Variants in HFM1 observed in about 807,000 individuals in gnomAD.
HFM1 encodes the protein helicase for meiosis 1.
Under a neutral mutation model 192.1 loss-of-function variants are expected in HFM1, and 169 were observed. The observed-to-expected ratio is 0.88, with a 90% confidence interval of 0.78 to 1.00. The LOEUF (loss-of-function observed/expected upper bound fraction) is 1.00, where lower values mean the gene tolerates loss of function less well. HFM1 is among the 50% of genes least tolerant of loss of function. HFM1 has a pLI of 0.00. For missense variants in HFM1, 1,661 were observed against 1,668.0 expected, an observed-to-expected ratio of 1.00 and a Z score of 0.07; for synonymous variants, 525 against 537.8, an observed-to-expected ratio of 0.98 and a Z score of 0.33.
At chr1:91,328,763 A>C (rs1327334034) in intron 20 of HFM1, 24 of 1,610,776 alleles carry the variant, frequency 1.5e-5, no homozygotes, top group Non-Finnish European at 2.0e-5. Context: ...AAAATTCACT[A>C]AGTGGCTGGT....
intron 30 of HFM1, among the ~76,000 whole-genome samples, chr1:91,284,333 C>T (rs1443565403): frequency 2.0e-5 from 3 of 151,886 alleles, no homozygotes; most frequent in Non-Finnish European, 4.4e-5. Context: ...AACCTCCGCC[C>T]AAGGCTCAAG....
intron 36 of HFM1, among the ~76,000 whole-genome samples, chr1:91,263,445 A>G (rs1665360592): frequency 6.6e-6 from 1 of 152,170 alleles, no homozygotes; most frequent in Admixed American, 6.5e-5. Flanking sequence ...TAAAAAGTGT[A>G]TAAAAGAAAA....
chr1:91,289,727 G>A (rs1328905111), intron 30 of HFM1, among the ~76,000 whole-genome samples: 5 of 152,090 alleles, frequency 3.3e-5, no homozygotes, highest in Non-Finnish European at 5.9e-5. Flanking sequence ...CAGGCGTGGC[G>A]GCGCGCGCCT....
chr1:91,373,012 T>G (rs879683226), intron 13 of HFM1, among the ~76,000 whole-genome samples: 1 of 152,146 alleles, frequency 6.6e-6, no homozygotes, highest in Non-Finnish European at 1.5e-5. Context: ...TTTTTTCATA[T>G]GGTAGTAACT....
chr1:91,264,363 T>TTTTTTTTTTTTTTTTTTG lies in HFM1; in HGVS notation c.3974+1653_3974+1654insCAAAAAAAAAAAAAAAAA. Reference sequence around the variant, plus strand: ...CCAAGGGATACCACAAATTTAGTATTTTTTTTTTTTTTTTTTTTTTTTTTT... The same window carrying TTTTTTTTTTTTTTTTTTG: ...CCAAGGGATACCACAAATTTAGTATTTTTTTTTTTTTTTTTTTGTTTTTTTTTTTTTTTTTTTTTTTTT... On this transcript the variant is annotated intron_variant, in intron 36 of 38. Coordinates refer to ENST00000370425, the MANE Select transcript of HFM1 (RefSeq NM_001017975.6). Among the ~76,000 whole-genome samples, 4 of 48,516 alleles carry TTTTTTTTTTTTTTTTTTG rather than the reference T, an allele frequency of 8.2e-5. No individual in the cohort carries two copies. In the East Asian group the frequency reaches 1.7e-3, roughly 21 times the overall value. The allele number at this position is 48,516 out of a possible 152,430, so 31.8% of individuals were successfully genotyped here. A position where few individuals can be genotyped will look rare whatever the true frequency, so the allele number is the denominator to read the frequency against.
intron 6 of HFM1, among the ~76,000 whole-genome samples, 158 bp downstream of exon 6, chr1:91,385,029 C>A (rs2102045678): frequency 6.6e-6 from 1 of 152,208 alleles, no homozygotes; most frequent in Admixed American, 6.5e-5. Flanking sequence ...AGGTGTGAAC[C>A]ACCGCACCCG....
chr1:91,321,881 T>G (rs986492179), intron 23 of HFM1, among the ~76,000 whole-genome samples: 4 of 151,994 alleles, frequency 2.6e-5, no homozygotes, highest in Non-Finnish European at 1.5e-5. Context: ...CCCAAGAAAA[T>G]GAATGTGGAA....
At chr1:91,355,063 T>C in intron 13 of HFM1, among the ~76,000 whole-genome samples, 1 of 152,102 alleles carries the variant, frequency 6.6e-6, no homozygotes, top group African/African-American at 2.4e-5. Flanking sequence ...TATAAAAAGA[T>C]GTAAACTGTG....
intron 4 of HFM1, 48 bp downstream of exon 4, chr1:91,394,045 A>G (rs200063784): frequency 9.4e-7 from 1 of 1,060,046 alleles, no homozygotes; most frequent in Non-Finnish European, 1.3e-6. Context: ...ATGTACAAAT[A>G]TTCAACTTTA....
In HFM1 at chr1:91,385,723, T is replaced by C. The variant is rs1422371173; in HGVS notation, c.606A>G (p.Lys202=). 6 of 1,612,858 alleles carry C rather than the reference T, an allele frequency of 3.7e-6. No homozygotes were observed. The highest frequency in any genetic ancestry group is 3.3e-5 in the Admixed American group (2 of 59,984). The change falls in exon 5 of 39, where the codon AAA becomes AAG. Residue 202 remains lysine, a synonymous_variant. Transcript: ENST00000370425. ...GCTTACTATTGCTATAGTTCCTTGA[T>C]TTCCCTTTGTTCATTTCTGTTTGTA... The part of the protein sequence containing the change: ...KIVQTEMNKG[K]SRNYSNSKQK...
intron 6 of HFM1, among the ~76,000 whole-genome samples, chr1:91,382,103 G>A (rs1255597056): frequency 2.6e-5 from 4 of 152,050 alleles, no homozygotes; most frequent in African/African-American, 9.7e-5. Flanking sequence ...AAAAACATCA[G>A]CTACGATCCT....
chr1:91,313,297 C>T, intron 30 of HFM1, 52 bp downstream of exon 30: 1 of 1,096,512 alleles, frequency 9.1e-7, no homozygotes, highest in Non-Finnish European at 1.3e-6. Flanking sequence ...GATACTCCTT[C>T]CTAGCCATAT....
intron 15 of HFM1, 128 bp from the exon 16 acceptor site, chr1:91,352,779 G>C (rs1246987320): frequency 1.8e-5 from 13 of 717,844 alleles, no homozygotes; most frequent in Non-Finnish European, 2.8e-5. Context: ...AAAGAAAAAA[G>C]AGCATTACAA....
intron 30 of HFM1, among the ~76,000 whole-genome samples, chr1:91,312,804 A>G (rs968284746): frequency 1.3e-5 from 2 of 152,236 alleles, no homozygotes; most frequent in Middle Eastern, 6.8e-3. Context: ...CAAAATCCCA[A>G]CTTGAATTGT....
rs546850747 is a variant in HFM1 at position 91,301,130 on chromosome 1, A to G, written c.3391+12219T>C. On this transcript the variant is annotated intron_variant, in intron 30 of 38. Coordinates refer to ENST00000370425, the MANE Select transcript of HFM1 (RefSeq NM_001017975.6). ...ATGTGCAAAAATCACAAGCATTCTT[A>G]TACACCAATAACAGACAAACAGAGC... Among the ~76,000 whole-genome samples the G allele has an allele frequency of 1.4e-4, 21 of 152,264 alleles. No individual in the cohort carries two copies. The South Asian group carries it at 4.4e-3, about 32-fold the overall frequency.
At chr1:91,379,249 G>A (rs769604434) in intron 8 of HFM1, 35 bp from the exon 9 acceptor site, 1 of 1,539,470 alleles carries the variant, frequency 6.5e-7, no homozygotes, top group Non-Finnish European at 8.8e-7. Context: ...TTGAACATCA[G>A]TTCAATTTTA....
intron 6 of HFM1, among the ~76,000 whole-genome samples, chr1:91,382,322 T>TA (rs1454942488): frequency 6.6e-6 from 1 of 152,132 alleles, no homozygotes; most frequent in African/African-American, 2.4e-5. Flanking sequence ...CACCACTTTC[T>TA]AAAAAACTCT....
intron 13 of HFM1, among the ~76,000 whole-genome samples, chr1:91,368,452 T>C (rs1034074505): frequency 6.6e-6 from 1 of 152,152 alleles, no homozygotes; most frequent in East Asian, 1.9e-4. Context: ...TCAACATTCT[T>C]AAAGAAACGA....
At chr1:91,407,794 G>A (rs1245737477), upstream of HFM1, among the ~76,000 whole-genome samples, 1 of 152,160 alleles carries the variant, frequency 6.6e-6, no homozygotes, top group African/African-American at 2.4e-5. Context: ...GAATTGCTGG[G>A]ACATATGGTA....
Sources: gnomAD v4.1 joint callset for allele counts (sites outside exome capture counted in the v4.1 genomes callset) on GRCh38, gnomAD v4.1.1 for gene constraint, MANE v1.5 for transcripts, NCBI Gene and HGNC (gene_info 2026-07-23, HGNC 2026-07-21) for gene names.